Variants in TNKS observed in about 807,000 individuals in gnomAD.
TNKS encodes the protein tankyrase.
A neutral mutation model predicts 135.8 loss-of-function variants in TNKS; 72 were observed. The ratio of observed to expected loss-of-function variants is 0.53; its 90% CI spans 0.44 to 0.64. The LOEUF (loss-of-function observed/expected upper bound fraction) is 0.64, where lower values mean the gene tolerates loss of function less well. TNKS is among the 30% of genes least tolerant of loss of function. The pLI is 0.00. For synonymous variants in TNKS, 849 were observed against 649.3 expected, an observed-to-expected ratio of 1.31 and a Z score of -4.68; for missense variants, 1,769 against 1,674.0, an observed-to-expected ratio of 1.06 and a Z score of -0.99.
chr8:9,765,845 G>C (rs1020152502), intron 24 of TNKS, 48 bp downstream of exon 24: 5 of 1,505,874 alleles, frequency 3.3e-6, no homozygotes, highest in African/African-American at 1.4e-5. Context: ...GCCTTTGCAG[G>C]AGTCAGTAAA....
chr8:9,593,021 A>G (rs1798643734), intron 2 of TNKS, among the ~76,000 whole-genome samples: 1 of 152,228 alleles, frequency 6.6e-6, no homozygotes, highest in African/African-American at 2.4e-5. Flanking sequence ...TTTGGTTATA[A>G]TGGGTTTTCC....
At chr8:9,579,790 G>C (rs762386977) in intron 1 of TNKS, among the ~76,000 whole-genome samples, 2 of 152,142 alleles carry the variant, frequency 1.3e-5, no homozygotes, top group Admixed American at 6.6e-5. Flanking sequence ...AATAACCCTT[G>C]TTTCTATGAA....
intron 9 of TNKS, 27 bp downstream of exon 9, chr8:9,708,519 C>T (rs918944475): frequency 1.5e-5 from 23 of 1,551,632 alleles, no homozygotes; most frequent in African/African-American, 8.2e-5. Context: ...AATCTATTCC[C>T]TGTGTCTATA....
At chr8:9,637,837 G>A (rs1193162861) in intron 3 of TNKS, among the ~76,000 whole-genome samples, 3 of 152,270 alleles carry the variant, frequency 2.0e-5, no homozygotes, top group Middle Eastern at 3.4e-3. Flanking sequence ...AATTAAGAAT[G>A]CAAGCAATGT....
intron 4 of TNKS, among the ~76,000 whole-genome samples, chr8:9,680,375 T>C (rs1240402177): frequency 6.6e-6 from 1 of 152,208 alleles, no homozygotes; most frequent in Non-Finnish European, 1.5e-5. Context: ...TGGTCGTTTA[T>C]AATTTAATTG....
At chr8:9,649,878 C>CTTTTTTTTTTTTTTTTTTT (rs71201959) in intron 3 of TNKS, among the ~76,000 whole-genome samples, 9 of 83,372 alleles carry the variant, frequency 1.1e-4, no homozygotes, top group African/African-American at 4.8e-4. Flanking sequence ...CTTTTCTTTT[C>CTTTTTTTTTTTTTTTTTTT]TTTTTTTTTT....
intron 9 of TNKS, 115 bp from the exon 10 acceptor site, chr8:9,709,840 G>C: frequency 2.7e-6 from 2 of 744,396 alleles, no homozygotes; most frequent in Admixed American, 2.5e-5. Flanking sequence ...ATATACATAT[G>C]TTCTGATACT....
chr8:9,567,074 A>C (rs181474118), intron 1 of TNKS, among the ~76,000 whole-genome samples: 1 of 152,182 alleles, frequency 6.6e-6, no homozygotes, highest in East Asian at 1.9e-4. Context: ...TCATTTTGTA[A>C]TCTGACGATT....
chr8:9,760,833 T>G (rs1358604199), intron 20 of TNKS, among the ~76,000 whole-genome samples: 1 of 152,224 alleles, frequency 6.6e-6, no homozygotes, highest in African/African-American at 2.4e-5. Flanking sequence ...CTATGTTGTA[T>G]AAAAACAGAA....
chr8:9,602,935 A>G (rs1799071829), intron 2 of TNKS, among the ~76,000 whole-genome samples: 1 of 152,206 alleles, frequency 6.6e-6, no homozygotes, highest in Non-Finnish European at 1.5e-5. Flanking sequence ...TCAATACTTG[A>G]TCTATATTTG....
intron 26 of TNKS, among the ~76,000 whole-genome samples, chr8:9,772,148 C>T (rs1439096524): frequency 6.7e-6 from 1 of 149,934 alleles, no homozygotes; most frequent in African/African-American, 2.5e-5. Context: ...TCATCATGTA[C>T]CCATTATTAG....
At chr8:9,678,740 A>G (rs1802648740) in intron 3 of TNKS, among the ~76,000 whole-genome samples, 1 of 152,226 alleles carries the variant, frequency 6.6e-6, no homozygotes, top group Non-Finnish European at 1.5e-5. Context: ...TTCTTTAGCA[A>G]AACAAAATGC....
At chr8:9,585,742 A>G (rs1798352991) in intron 2 of TNKS, among the ~76,000 whole-genome samples, 3 of 152,240 alleles carry the variant, frequency 2.0e-5, no homozygotes, top group South Asian at 4.1e-4. Context: ...TTCTTTCTCT[A>G]TACTTTCAAA....
chr8:9,619,346 G>C (rs755323083), intron 3 of TNKS, among the ~76,000 whole-genome samples: 12 of 152,202 alleles, frequency 7.9e-5, no homozygotes, highest in Non-Finnish European at 1.8e-4. Flanking sequence ...TCTGGGCAGA[G>C]TGGAAAGGAT....
chr8:9,690,286 G>T (rs572848976), intron 5 of TNKS, among the ~76,000 whole-genome samples: 26 of 152,284 alleles, frequency 1.7e-4, no homozygotes, highest in African/African-American at 6.3e-4. Context: ...TCCCCTTGAA[G>T]ATTCCACAAT....
Position 9,583,131 on chromosome 8 carries a change from C to A in TNKS, c.898+2748C>A, listed in dbSNP as rs528394330. ...GATGAGCTGAGATTGCACCACTGCA[C>A]TCCAGCCTGGGCGACAGAGCGAGAC... is the stretch of plus-strand genomic sequence containing the variant. On this transcript the variant is annotated intron_variant, in intron 2 of 26. Transcript: ENST00000310430. 1.6e-4 allele frequency among the ~76,000 whole-genome samples: 23 copies of A among 148,080 alleles called. No individual in the cohort carries two copies. In the East Asian group the frequency reaches 4.6e-3, roughly 30 times the overall value.
chr8:9,591,557 A>G (rs1260934835), intron 2 of TNKS, among the ~76,000 whole-genome samples: 1 of 152,082 alleles, frequency 6.6e-6, no homozygotes, highest in African/African-American at 2.4e-5. Context: ...TCATTCATGT[A>G]TATTTTTTGT....
intron 3 of TNKS, among the ~76,000 whole-genome samples, chr8:9,658,133 C>T (rs1268751686): frequency 1.5e-4 from 17 of 109,938 alleles, no homozygotes; most frequent in East Asian, 5.4e-4. Context: ...GGCGGCCGGG[C>T]GGAGACGCTC....
chr8:9,731,987 C>G (rs1473050097), intron 14 of TNKS, among the ~76,000 whole-genome samples: 1 of 152,144 alleles, frequency 6.6e-6, no homozygotes, highest in Non-Finnish European at 1.5e-5. Flanking sequence ...CGGGGTTTCA[C>G]TGTGTTAGCC....
Sources: allele counts gnomAD v4.1 joint callset (sites outside exome capture counted in the v4.1 genomes callset), GRCh38; gene constraint gnomAD v4.1.1; transcripts MANE v1.5; gene names NCBI Gene and HGNC (gene_info 2026-07-23, HGNC 2026-07-21).